TRIM66: variants seen among roughly 807,000 people sequenced by gnomAD.
TRIM66 encodes tripartite motif containing 66.
TRIM66 carries 99 observed loss-of-function variants against 148.2 expected under a neutral mutation model. The ratio of observed to expected loss-of-function variants is 0.67; its 90% CI spans 0.57 to 0.79. The LOEUF (loss-of-function observed/expected upper bound fraction) is 0.79, where lower values mean the gene tolerates loss of function less well. Ranked by LOEUF, TRIM66 falls within the 30% of genes least tolerant of loss-of-function variation. The pLI is 0.00. For synonymous variants in TRIM66, 616 were observed against 635.9 expected (o/e 0.97, Z 0.47); for missense variants, 1,666 against 1,697.9 (o/e 0.98, Z 0.33).
At chr11:8,668,513 T>C (rs1288282176) in intron 6 of TRIM66, among the ~76,000 whole-genome samples, 1 of 152,188 alleles carries the variant, frequency 6.6e-6, no homozygotes, top group South Asian at 2.1e-4. Context: ...TCAGTTCTAC[T>C]CTCCATGTGA....
intron 24 of TRIM66, 120 bp from the exon 25 acceptor site, chr11:8,618,123 G>A: frequency 1.0e-6 from 1 of 995,112 alleles, no homozygotes; most frequent in East Asian, 2.6e-5. Context: ...CCCTAGGAAT[G>A]CAGCAGTAAA....
At chr11:8,669,928 G>A (rs1015475856) in intron 6 of TRIM66, among the ~76,000 whole-genome samples, 1 of 152,066 alleles carries the variant, frequency 6.6e-6, no homozygotes, top group Admixed American at 6.5e-5. Flanking sequence ...GTGTCATGGG[G>A]GTTTGGTGTA....
rs2034182833 is a variant in TRIM66, at chr11:8,621,237, G to A, written c.3340C>T (p.Arg1114Trp). The change falls in exon 20 of 25, where the codon CGG becomes TGG. Residue 1114 changes from arginine (R) to tryptophan (W), a missense_variant. Physicochemically the swap from Arg to Trp is moderately radical, Grantham distance 101 (BLOSUM62 -3). This residue lies in a region of TRIM66 where 1,431 missense variants were observed against 1,412.4 expected (regional missense o/e 1.01). Transcript: ENST00000646038. The part of the protein sequence containing the change: ...KVTVTSLAGQ[R>W]PPEVEGTSPE... ...GATGTGCCCTCCACTTCTGGTGGCCGCTGCCCAGCCAAAGAAGTGACAGTG... is the reference window on the plus strand; with the variant it reads ...GATGTGCCCTCCACTTCTGGTGGCCACTGCCCAGCCAAAGAAGTGACAGTG... 6 of 1,551,664 alleles carry A rather than the reference G, an allele frequency of 3.9e-6. No homozygotes were observed. The highest frequency in any genetic ancestry group is 5.2e-6 in the Non-Finnish European group (6 of 1,146,982).
upstream of TRIM66, chr11:8,682,804 G>A (rs1441652272): frequency 1.9e-6 from 3 of 1,613,200 alleles, no homozygotes; most frequent in East Asian, 2.2e-5. Context: ...TTTTCGTCTG[G>A]GCTGCCAACA....
chr11:8,643,611 G>C (rs975300203), intron 12 of TRIM66, among the ~76,000 whole-genome samples: 1 of 152,096 alleles, frequency 6.6e-6, no homozygotes, highest in Non-Finnish European at 1.5e-5. Flanking sequence ...CAAAGTGCTG[G>C]AATTACAGGC....
At chr11:8,621,524 C>T in intron 19 of TRIM66, 121 bp downstream of exon 19, 1 of 1,364,312 alleles carries the variant, frequency 7.3e-7, no homozygotes, top group Non-Finnish European at 9.7e-7. Context: ...CAACGTCTGG[C>T]CAAGCTGCAG....
chr11:8,673,499 T>A (rs116917741), intron 4 of TRIM66, among the ~76,000 whole-genome samples: 5,274 of 152,254 alleles, frequency 0.035, 116 homozygotes, highest in East Asian at 0.086. Flanking sequence ...TCTTGCCACT[T>A]GAAGTCTAAA....
intron 3 of TRIM66, among the ~76,000 whole-genome samples, chr11:8,676,331 G>C (rs2039175405): frequency 6.6e-6 from 1 of 151,420 alleles, no homozygotes; most frequent in Non-Finnish European, 1.5e-5. Flanking sequence ...ACATAACATT[G>C]CTTTGGCACC....
intron 4 of TRIM66, among the ~76,000 whole-genome samples, 173 bp from the exon 5 acceptor site, chr11:8,672,558 T>C (rs921873727): frequency 5.3e-5 from 8 of 151,256 alleles, no homozygotes; most frequent in African/African-American, 1.5e-4. Flanking sequence ...CAAAGACAGA[T>C]GGCAAATGGC....
chr11:8,658,089 A>G (rs1187365884), intron 6 of TRIM66, among the ~76,000 whole-genome samples: 1 of 152,242 alleles, frequency 6.6e-6, no homozygotes, highest in East Asian at 1.9e-4. Flanking sequence ...TAAGGGGAGC[A>G]GCCTGGATCC....
At chr11:8,627,074 C>T (rs1282937762) in intron 15 of TRIM66, among the ~76,000 whole-genome samples, 12 of 152,196 alleles carry the variant, frequency 7.9e-5, no homozygotes, top group Admixed American at 3.3e-4. Context: ...CTCTCATATG[C>T]CTTGTACTTG....
Position 8,624,410 on chromosome 11 carries a change from C to T in TRIM66, c.2968G>A (p.Ala990Thr), listed in dbSNP as rs1383045096. ...GCTGTAGACGTGCTGACCACTGGCG[C>T]CAGTGGAGGTTTCTTCACAGAGAGG... ...INLSVKKPPL[A>T]PVVSTSTALQ... Residue 990 changes from alanine to threonine, a missense_variant, in exon 17 of 25, where the codon GCG becomes ACG. By Grantham distance (58) the Ala-to-Thr change is moderately conservative. Coordinates refer to ENST00000646038, the MANE Select transcript of TRIM66 (RefSeq NM_001388022.1). The T allele has an allele frequency of 3.9e-6, 6 of 1,551,438 alleles. No individual in the cohort carries two copies. Among genetic ancestry groups the T allele is most frequent in the Middle Eastern group, 1.7e-4 (1 of 6,012 alleles).
chr11:8,638,531 G>T, intron 15 of TRIM66, 123 bp downstream of exon 15: 1 of 1,085,522 alleles, frequency 9.2e-7, no homozygotes, highest in Non-Finnish European at 1.3e-6. Flanking sequence ...AATCAGGGCT[G>T]TGTAGCGTCC....
At chr11:8,651,513 T>C (rs1418627353) in intron 7 of TRIM66, among the ~76,000 whole-genome samples, 1 of 152,180 alleles carries the variant, frequency 6.6e-6, no homozygotes, top group Non-Finnish European at 1.5e-5. Flanking sequence ...AAAATAATTA[T>C]ATAGACAGTA....
chr11:8,657,292 A>G (rs1045227072), intron 6 of TRIM66, among the ~76,000 whole-genome samples: 14 of 152,178 alleles, frequency 9.2e-5, no homozygotes, highest in Admixed American at 3.9e-4. Context: ...GCTCTTGTCC[A>G]GGGCTCCAGG....
chr11:8,635,747 C>T (rs571370904), intron 15 of TRIM66, among the ~76,000 whole-genome samples: 1 of 152,304 alleles, frequency 6.6e-6, no homozygotes, highest in Non-Finnish European at 1.5e-5. Context: ...AGGACCTTTG[C>T]TAACCCCATT....
At chr11:8,661,276 G>T (rs994777423) in intron 6 of TRIM66, among the ~76,000 whole-genome samples, 7 of 152,232 alleles carry the variant, frequency 4.6e-5, no homozygotes, top group African/African-American at 1.7e-4. Flanking sequence ...GCTGGAGATG[G>T]ATGCACGATC....
chr11:8,648,115 G>A, intron 9 of TRIM66, 29 bp from the exon 10 acceptor site: 1 of 1,524,852 alleles, frequency 6.6e-7, no homozygotes, highest in South Asian at 1.2e-5. Context: ...AAAAAGCTGA[G>A]AAGGGCTGAG....
rs1315796300 is a variant in TRIM66, at chr11:8,649,874, C to CA, written c.457dup (p.Cys153LeufsTer71). ...GATATGTGCTGCCCTCTTCTCCTTG[C>CA]ACTCAGAGCAGTTCTGGAAGCAGAG... On this transcript the variant is annotated frameshift_variant, in exon 8 of 25. Coordinates refer to ENST00000646038, the MANE Select transcript of TRIM66 (RefSeq NM_001388022.1). LOFTEE classifies it high-confidence loss of function. 1.3e-6 allele frequency: 2 copies of CA among 1,551,430 alleles called. No individual in the cohort carries two copies. Among genetic ancestry groups the CA allele is most frequent in the Non-Finnish European group, 8.7e-7 (1 of 1,146,780 alleles).
Sources: gnomAD v4.1 joint callset for allele counts (sites outside exome capture counted in the v4.1 genomes callset) on GRCh38, gnomAD v4.1.1 for gene constraint, gnomAD v4.1.1 regional missense constraint, MANE v1.5 for transcripts, NCBI Gene and HGNC (gene_info 2026-07-23, HGNC 2026-07-21) for gene names.